STK24: variants seen among roughly 807,000 people sequenced by gnomAD.
The protein encoded by STK24 is serine/threonine-protein kinase 24.
A neutral mutation model predicts 55.6 loss-of-function variants in STK24; 21 were observed. That is an observed-to-expected ratio of 0.38 (90% CI 0.27 to 0.54). STK24 has a LOEUF of 0.54. Ranked by LOEUF, STK24 falls within the 20% of genes least tolerant of loss-of-function variation. The pLI, the probability that STK24 is intolerant of heterozygous loss-of-function variation, is 0.79. For missense variants in STK24, 383 were observed against 538.4 expected (o/e 0.71, Z 2.86); for synonymous variants, 200 against 215.2 (o/e 0.93, Z 0.62).
At chr13:98,527,551 C>T in intron 1 of STK24, among the ~76,000 whole-genome samples, 1 of 152,344 alleles carries the variant, frequency 6.6e-6, no homozygotes, top group South Asian at 2.1e-4. Context: ...GTGCCCACAC[C>T]TGGGCAACTC....
At chr13:98,539,968 C>A (rs1011845089) in intron 1 of STK24, among the ~76,000 whole-genome samples, 4 of 152,186 alleles carry the variant, frequency 2.6e-5, no homozygotes, top group Non-Finnish European at 4.4e-5. Context: ...GCCTAAATGT[C>A]CACCAGCTGG....
chr13:98,552,446 G>T (rs1028066663), intron 1 of STK24, among the ~76,000 whole-genome samples: 10 of 152,152 alleles, frequency 6.6e-5, no homozygotes. Flanking sequence ...GCCGGCGGAG[G>T]TCTTCTTCCA....
rs868389988 is a variant in STK24, at chr13:98,448,168, G to T, written c.*5005C>A. 7.5e-7 allele frequency: 1 copy of T among 1,330,108 alleles called. No individual in the cohort carries two copies. The highest frequency in any genetic ancestry group is 1.5e-5 in the African/African-American group (1 of 68,556). 82.4% of individuals were successfully genotyped at this position (1,330,108 alleles called of 1,614,324 possible). On this transcript the variant is annotated 3_prime_UTR_variant, in exon 11 of 11. Coordinates refer to ENST00000539966, the MANE Select transcript of STK24 (RefSeq NM_001032296.4). ...GACTTCACCTTGTGTTTCTGTAAGC[G>T]ATGCCCACCAAAGTGTCAGGAGTCC...
At chr13:98,491,971 T>C (rs1895053114) in intron 2 of STK24, among the ~76,000 whole-genome samples, 1 of 151,976 alleles carries the variant, frequency 6.6e-6, no homozygotes, top group Non-Finnish European at 1.5e-5. Context: ...AATTAGACAA[T>C]TTCAATAATT....
intron 1 of STK24, among the ~76,000 whole-genome samples, chr13:98,569,328 C>T (rs1209931504): frequency 6.6e-6 from 1 of 151,874 alleles, no homozygotes; most frequent in Admixed American, 6.6e-5. Context: ...AGCCTGTCTC[C>T]CACGCTGCCT....
chr13:98,535,361 C>CAAACAA (rs1472447608), intron 1 of STK24, among the ~76,000 whole-genome samples: 7 of 64,110 alleles, frequency 1.1e-4, no homozygotes, highest in Non-Finnish European at 1.7e-4. Context: ...AACAAACAAA[C>CAAACAA]AAAAAAAAAA....
intron 2 of STK24, among the ~76,000 whole-genome samples, chr13:98,502,740 C>A (rs555799136): frequency 1.3e-5 from 2 of 152,286 alleles, no homozygotes; most frequent in South Asian, 4.1e-4. Flanking sequence ...GCCTTTTCAG[C>A]CTCCAGAACT....
intron 1 of STK24, among the ~76,000 whole-genome samples, 155 bp from the exon 2 acceptor site, chr13:98,519,628 G>A (rs1275151464): frequency 2.0e-5 from 3 of 152,158 alleles, no homozygotes; most frequent in Non-Finnish European, 4.4e-5. Context: ...CCACAGCTCT[G>A]CAGGTTCAGG....
chr13:98,460,114 G>A (rs1193989873), intron 9 of STK24, among the ~76,000 whole-genome samples: 1 of 152,224 alleles, frequency 6.6e-6, no homozygotes, highest in African/African-American at 2.4e-5. Context: ...GCAGGGCAAC[G>A]GGTGACACAG....
intron 1 of STK24, among the ~76,000 whole-genome samples, chr13:98,561,102 C>T (rs1897405365): frequency 6.6e-6 from 1 of 152,138 alleles, no homozygotes; most frequent in South Asian, 2.1e-4. Context: ...GTTTCGAATA[C>T]AACTGGGCAA....
chr13:98,517,674 C>T (rs541863866), intron 2 of STK24, among the ~76,000 whole-genome samples: 60 of 152,150 alleles, frequency 3.9e-4, no homozygotes, highest in Non-Finnish European at 7.5e-4. Flanking sequence ...CATTCCCCCA[C>T]GGAAGTCACA....
chr13:98,531,214 T>C (rs923262269), intron 1 of STK24, among the ~76,000 whole-genome samples: 1 of 152,228 alleles, frequency 6.6e-6, no homozygotes, highest in African/African-American at 2.4e-5. Context: ...AGTTTAAAGC[T>C]CACTCTTTAT....
At chr13:98,548,225 C>T (rs1897074855) in intron 1 of STK24, among the ~76,000 whole-genome samples, 1 of 152,118 alleles carries the variant, frequency 6.6e-6, no homozygotes, top group Non-Finnish European at 1.5e-5. Flanking sequence ...TTTTCTTATT[C>T]TCCTGGGGCT....
chr13:98,550,366 C>A (rs1897129926), intron 1 of STK24, among the ~76,000 whole-genome samples: 1 of 152,152 alleles, frequency 6.6e-6, no homozygotes, highest in African/African-American at 2.4e-5. Flanking sequence ...TAGGGGGAAC[C>A]TGTCCCTACA....
At chr13:98,469,537 C>CG (rs1370424828) in intron 5 of STK24, among the ~76,000 whole-genome samples, 3 of 134,180 alleles carry the variant, frequency 2.2e-5, no homozygotes, top group East Asian at 2.3e-4. Context: ...CCCTGCATCC[C>CG]CCCCCCCAAA....
chr13:98,457,277 C>T lies in STK24; in HGVS notation c.1150G>A (p.Gly384Arg), dbSNP rs1246833021. Residue 384 changes from glycine to arginine, a missense_variant, in exon 10 of 11, where the codon GGG (glycine) becomes AGG (arginine). By Grantham distance (125) the Gly-to-Arg change is moderately radical. Transcript: ENST00000539966. The part of the protein sequence containing the change: ...ELKEKSQACG[G>R]NLGSIEELRG... ...AGCTCTTCAATGGACCCCAAGTTCC[C>T]TCCGCACGCCTGGCTCTTCTCCTTC... 1 of 1,613,980 alleles carries T rather than the reference C, an allele frequency of 6.2e-7. No homozygotes were observed. The highest frequency in any genetic ancestry group is 8.5e-7 in the Non-Finnish European group (1 of 1,180,022).
At chr13:98,510,104 T>C (rs1895831224) in intron 2 of STK24, among the ~76,000 whole-genome samples, 1 of 152,174 alleles carries the variant, frequency 6.6e-6, no homozygotes, top group South Asian at 2.1e-4. Context: ...GTACCCTCCA[T>C]CCGAAGAACC....
At chr13:98,456,559 T>C (rs987183397) in intron 10 of STK24, 2 of 504,360 alleles carry the variant, frequency 4.0e-6, no homozygotes, top group African/African-American at 2.0e-5. Context: ...CCATGGATAC[T>C]CCTACAACAA....
rs1209812513 is a variant in STK24, at chr13:98,576,757, C to G, written c.30G>C (p.Leu10=). 2 of 1,457,844 alleles carry G rather than the reference C, an allele frequency of 1.4e-6. No individual in the cohort carries two copies. Among genetic ancestry groups the G allele is most frequent in the Non-Finnish European group, 1.8e-6 (2 of 1,109,062 alleles). The allele number at this position is 1,457,844 out of a possible 1,614,324, so 90.3% of individuals were successfully genotyped here. A position where few individuals can be genotyped will look rare whatever the true frequency, so the allele number is the denominator to read the frequency against. MAHSPVQSG[L]PGMQNLKADP... is the part of the protein sequence containing the mutation. ...CGCGCCCGCCTACCTGCATGCCGGG[C>G]AGGCCCGACTGCACCGGGGAGTGAG... Residue 10 remains leucine, a synonymous_variant, in exon 1 of 11, where the codon CTG becomes CTC. Transcript: ENST00000539966.
Sources: gnomAD v4.1 joint callset for allele counts (sites outside exome capture counted in the v4.1 genomes callset) on GRCh38, gnomAD v4.1.1 for gene constraint, MANE v1.5 for transcripts, NCBI Gene and HGNC (gene_info 2026-07-23, HGNC 2026-07-21) for gene names.